Variants in RANGAP1 observed in about 807,000 individuals in gnomAD.
The protein encoded by RANGAP1 is ran GTPase-activating protein 1.
Under a neutral mutation model 63.5 loss-of-function variants are expected in RANGAP1, and 38 were observed. That is an observed-to-expected ratio of 0.60 (90% CI 0.46 to 0.78). The LOEUF is 0.78. RANGAP1 is among the 30% of genes least tolerant of loss of function. RANGAP1 has a pLI of 0.00. For synonymous variants in RANGAP1, 329 were observed against 310.5 expected (o/e 1.06, Z -0.63); for missense variants, 630 against 740.3 (o/e 0.85, Z 1.73).
rs769324351 is a variant in RANGAP1, at chr22:41,254,473, C to A, written c.1095G>T (p.Glu365Asp). ...ASLSDDEDEE[E>D]EEEGEEEEEE... is the part of the protein sequence containing the mutation. ...CTTCTTCCTCTTCTCCTTCCTCCTC[C>A]TCCTCCTCGTCCTCGTCATCACTGC... is the stretch of plus-strand genomic sequence containing the variant. Residue 365 changes from glutamate (E) to aspartate (D), a missense_variant, in exon 11 of 16, where the codon GAG becomes GAT. By Grantham distance (45) the Glu-to-Asp change is conservative. Coordinates refer to ENST00000356244, the MANE Select transcript of RANGAP1 (RefSeq NM_002883.4). 1.2e-6 allele frequency: 2 copies of A among 1,602,062 alleles called. No individual in the cohort carries two copies. Among genetic ancestry groups the A allele is most frequent in the Admixed American group, 1.7e-5 (1 of 59,582 alleles).
intron 2 of RANGAP1, 92 bp from the exon 3 acceptor site, chr22:41,274,819 G>A: frequency 2.0e-6 from 3 of 1,517,244 alleles, no homozygotes; most frequent in Non-Finnish European, 2.7e-6. Flanking sequence ...CCACTCAACA[G>A]TCTATGGTGC....
the RANGAP1 span, among the ~76,000 whole-genome samples, chr22:41,291,316 G>C: frequency 6.6e-6 from 1 of 152,112 alleles, no homozygotes; most frequent in African/African-American, 2.4e-5. Context: ...TTCCTTCATC[G>C]GCTGGGTGCG....
chr22:41,254,742 G>C, intron 10 of RANGAP1: 1 of 679,946 alleles, frequency 1.5e-6, no homozygotes, highest in Non-Finnish European at 1.8e-6. Flanking sequence ...GGAGGCCGAG[G>C]TGGGTGGATC....
In RANGAP1 at chr22:41,265,784, T is replaced by C. The variant is rs554026657; in HGVS notation, c.301-941A>G. Among the ~76,000 whole-genome samples, 14 of 152,250 alleles carry C rather than the reference T, an allele frequency of 9.2e-5. No individual in the cohort carries two copies. The South Asian group carries it at 2.3e-3, about 25-fold the overall frequency. ...CAGGTGGTCCATGGGGGCAGGAATG[T>C]GGAAGGGAGACTTTCTGCCCTCACC... On this transcript the variant is annotated intron_variant, in intron 4 of 15. Coordinates refer to ENST00000356244, the MANE Select transcript of RANGAP1 (RefSeq NM_002883.4).
At chr22:41,285,220 G>T (rs1371178970) in intron 1 of RANGAP1, 1 of 152,270 alleles carries the variant, frequency 6.6e-6, no homozygotes, top group Admixed American at 6.6e-5. Flanking sequence ...AGCATCTCTT[G>T]CAGTTCTGAG....
intron 2 of RANGAP1, among the ~76,000 whole-genome samples, chr22:41,275,760 C>A (rs2035099692): frequency 1.3e-5 from 2 of 149,976 alleles, no homozygotes; most frequent in African/African-American, 2.4e-5. Context: ...GCCTGGGCGA[C>A]ACAGTGAGAC....
chr22:41,300,876 C>T, the RANGAP1 span, among the ~76,000 whole-genome samples: 3,930 of 152,054 alleles, frequency 0.026, 153 homozygotes, highest in African/African-American at 0.088. Context: ...TGGGTTTAAG[C>T]GAGAATCCTC....
chr22:41,300,042 C>T, the RANGAP1 span, among the ~76,000 whole-genome samples: 11 of 152,102 alleles, frequency 7.2e-5, no homozygotes, highest in Admixed American at 3.3e-4. Flanking sequence ...TGAGCTACCG[C>T]GCCCGGCCTC....
the RANGAP1 span, among the ~76,000 whole-genome samples, chr22:41,291,279 C>G: frequency 1.3e-5 from 2 of 152,160 alleles, no homozygotes; most frequent in African/African-American, 2.4e-5. Flanking sequence ...CAAATGGTTT[C>G]TGGCAGATTA....
chr22:41,245,537 G>A lies in RANGAP1; in HGVS notation c.*1066C>T. The A allele has an allele frequency of 6.6e-6, 1 of 152,238 alleles. No homozygotes were observed. The highest frequency in any genetic ancestry group is 1.9e-4 in the East Asian group (1 of 5,194). The allele number at this position is 152,238 out of a possible 1,614,324, so 9.4% of individuals were successfully genotyped here. A position where few individuals can be genotyped will look rare whatever the true frequency, so the allele number is the denominator to read the frequency against. ...CCCACAGACTGCTGCGGGGCCGCAT[G>A]CTCTGCCGAGGTGGGACTCCACGTA... On this transcript the variant is annotated 3_prime_UTR_variant, in exon 16 of 16. Coordinates refer to ENST00000356244, the MANE Select transcript of RANGAP1 (RefSeq NM_002883.4).
At chr22:41,284,423 C>T (rs1335029531) in intron 1 of RANGAP1, among the ~76,000 whole-genome samples, 3 of 151,794 alleles carry the variant, frequency 2.0e-5, no homozygotes, top group African/African-American at 4.8e-5. Flanking sequence ...CAAAATTAAC[C>T]GGGCGTGGTG....
Position 41,249,363 on chromosome 22 carries a change from G to A in RANGAP1, c.1661C>T (p.Ala554Val), listed in dbSNP as rs1272885413. 17 of 1,612,750 alleles carry A rather than the reference G, an allele frequency of 1.1e-5. No individual in the cohort carries two copies. The highest frequency in any genetic ancestry group is 1.3e-5 in the African/African-American group (1 of 74,942). The change falls in exon 15 of 16, where the codon GCC becomes GTC. Residue 554 changes from alanine to valine, a missense_variant. Physicochemically the swap from Ala to Val is moderately conservative, Grantham distance 64. This residue lies in a region of RANGAP1 where 428 missense variants were observed against 465.5 expected (regional missense o/e 0.92). Transcript: ENST00000356244. ...GAACGCCAGCAGCAGGGGTGCAAGG[G>A]CCTTGGGGAAATAGTCCTGCTGCAC... Reference protein sequence around the residue: ...HMVQQDYFPKALAPLLLAFVT... With the variant: ...HMVQQDYFPKVLAPLLLAFVT...
intron 6 of RANGAP1, among the ~76,000 whole-genome samples, chr22:41,260,953 C>T (rs568469631): frequency 1.1e-4 from 17 of 152,264 alleles, no homozygotes; most frequent in African/African-American, 3.9e-4. Flanking sequence ...CAATGTCCTG[C>T]GGGGATGGGG....
At chr22:41,274,996 T>C (rs1734616153) in intron 2 of RANGAP1, among the ~76,000 whole-genome samples, 1 of 151,944 alleles carries the variant, frequency 6.6e-6, no homozygotes. Flanking sequence ...AAAGAAGACT[T>C]TGCCAAGTAG....
At position 41,277,130 on chromosome 22, in the gene RANGAP1, T is replaced by C. The variant is rs1415661946; in HGVS notation, c.113-2403A>G. Among the ~76,000 whole-genome samples the C allele has an allele frequency of 1.9e-3, 241 of 126,776 alleles. 1 individual carries two copies. The highest frequency in any genetic ancestry group is 7.2e-3 in the African/African-American group (234 of 32,414). The allele number at this position is 126,776 out of a possible 152,430, so 83.2% of individuals were successfully genotyped here. On this transcript the variant is annotated intron_variant, in intron 2 of 15. Coordinates refer to ENST00000356244, the MANE Select transcript of RANGAP1 (RefSeq NM_002883.4). ...TCTCGCTCTGTTGCCCAGGCTGGAG[T>C]GCAGTGGCGGGATCTCGGCTCACTG... is the stretch of plus-strand genomic sequence containing the variant.
chr22:41,249,979 G>T (rs548978600), intron 13 of RANGAP1, among the ~76,000 whole-genome samples, 162 bp from the exon 14 acceptor site: 1 of 152,352 alleles, frequency 6.6e-6, no homozygotes, highest in African/African-American at 2.4e-5. Flanking sequence ...GGAACCAGAG[G>T]GAGTGGCAGT....
chr22:41,290,077 T>C (rs556074470), upstream of RANGAP1, among the ~76,000 whole-genome samples: 5 of 150,184 alleles, frequency 3.3e-5, no homozygotes, highest in Non-Finnish European at 7.4e-5. Flanking sequence ...AACGTGGAGG[T>C]TGGTTGCAGT....
chr22:41,248,335 G>A (rs2033193050), intron 15 of RANGAP1, among the ~76,000 whole-genome samples: 2 of 152,212 alleles, frequency 1.3e-5, no homozygotes, highest in African/African-American at 4.8e-5. Flanking sequence ...GTCTGGTGTG[G>A]GGGAAATGCG....
the RANGAP1 span, among the ~76,000 whole-genome samples, chr22:41,293,501 T>C: frequency 6.6e-6 from 1 of 151,694 alleles, no homozygotes; most frequent in South Asian, 2.1e-4. Context: ...ATTTTTAGGC[T>C]GGGTGCAGTG....
Sources: gnomAD v4.1 joint callset for allele counts (sites outside exome capture counted in the v4.1 genomes callset) on GRCh38, gnomAD v4.1.1 for gene constraint, gnomAD v4.1.1 regional missense constraint, MANE v1.5 for transcripts, NCBI Gene and HGNC (gene_info 2026-07-23, HGNC 2026-07-21) for gene names.